Variants in OSBPL6 observed in about 807,000 individuals in gnomAD.
The protein encoded by OSBPL6 is oxysterol binding protein like 6.
In OSBPL6, 49 loss-of-function variants were observed where a neutral mutation model predicts 125.8. That is an observed-to-expected ratio of 0.39 (90% CI 0.31 to 0.49). OSBPL6 has a LOEUF of 0.49. OSBPL6 is among the 20% of genes least tolerant of loss of function. The probability of loss-of-function intolerance (pLI) is 0.88; values close to 1 mark genes in which losing one functional copy is unlikely to be tolerated. For synonymous variants in OSBPL6, 394 were observed against 391.8 expected, an observed-to-expected ratio of 1.01 and a Z score of -0.07; for missense variants, 986 against 1,135.4, an observed-to-expected ratio of 0.87 and a Z score of 1.89.
At chr2:178,390,994 A>C in intron 21 of OSBPL6, 79 bp from the exon 22 acceptor site, 1 of 1,570,294 alleles carries the variant, frequency 6.4e-7, no homozygotes, top group Non-Finnish European at 8.6e-7. Flanking sequence ...CAAGGCTAAG[A>C]AATTTTTCTA....
chr2:178,225,051 A>G (rs1340892277), intron 1 of OSBPL6, among the ~76,000 whole-genome samples: 1 of 151,646 alleles, frequency 6.6e-6, no homozygotes, highest in Admixed American at 6.6e-5. Flanking sequence ...GTGTTTAACA[A>G]AACACATCTA....
chr2:178,210,026 A>T (rs980953007), intron 1 of OSBPL6, among the ~76,000 whole-genome samples: 1 of 151,146 alleles, frequency 6.6e-6, no homozygotes, highest in Admixed American at 6.6e-5. Context: ...CTATTTATTT[A>T]TTTATTTATT....
At chr2:178,293,683 A>G (rs1197803500) in intron 2 of OSBPL6, among the ~76,000 whole-genome samples, 1 of 152,036 alleles carries the variant, frequency 6.6e-6, no homozygotes, top group Non-Finnish European at 1.5e-5. Context: ...CAATTAAATT[A>G]TATTGTCTAT....
intron 1 of OSBPL6, among the ~76,000 whole-genome samples, chr2:178,221,994 C>T (rs1219579882): frequency 6.6e-6 from 1 of 152,178 alleles, no homozygotes; most frequent in African/African-American, 2.4e-5. Context: ...ACACTACCAA[C>T]TTTTCTCTCT....
At chr2:178,329,486 C>G (rs1688998546) in intron 5 of OSBPL6, among the ~76,000 whole-genome samples, 1 of 151,614 alleles carries the variant, frequency 6.6e-6, no homozygotes, top group South Asian at 2.1e-4. Context: ...ACAATCACGG[C>G]TCATTGCAAC....
chr2:178,214,674 G>T (rs577454681), intron 1 of OSBPL6, among the ~76,000 whole-genome samples: 1 of 152,254 alleles, frequency 6.6e-6, no homozygotes, highest in Non-Finnish European at 1.5e-5. Flanking sequence ...AACCAGGCAC[G>T]GTGGCTCATG....
At chr2:178,253,157 G>T (rs1288149572) in intron 1 of OSBPL6, among the ~76,000 whole-genome samples, 1 of 151,996 alleles carries the variant, frequency 6.6e-6, no homozygotes. Flanking sequence ...GAGTAGCTGG[G>T]ATTACAGGCG....
At chr2:178,390,556 C>A (rs977593298) in intron 21 of OSBPL6, among the ~76,000 whole-genome samples, 1 of 152,166 alleles carries the variant, frequency 6.6e-6, no homozygotes, top group Non-Finnish European at 1.5e-5. Flanking sequence ...ATTCTAGGGT[C>A]CTGTATACTT....
At chr2:178,259,677 G>C (rs1361847997) in intron 1 of OSBPL6, among the ~76,000 whole-genome samples, 1 of 152,178 alleles carries the variant, frequency 6.6e-6, no homozygotes, top group Non-Finnish European at 1.5e-5. Context: ...ACATATGTAA[G>C]AGTTTATATA....
intron 1 of OSBPL6, among the ~76,000 whole-genome samples, chr2:178,268,492 G>C (rs2092301437): frequency 6.6e-6 from 1 of 152,108 alleles, no homozygotes; most frequent in Admixed American, 6.5e-5. Context: ...TCCAGATGAA[G>C]ATATAGAGCA....
At chr2:178,377,332 G>A (rs1250756968) in intron 15 of OSBPL6, among the ~76,000 whole-genome samples, 1 of 152,196 alleles carries the variant, frequency 6.6e-6, no homozygotes, top group Non-Finnish European at 1.5e-5. Flanking sequence ...GATCACGCAA[G>A]AACTCACTCA....
intron 1 of OSBPL6, among the ~76,000 whole-genome samples, chr2:178,279,688 C>A (rs1157245352): frequency 6.6e-6 from 1 of 152,144 alleles, no homozygotes; most frequent in African/African-American, 2.4e-5. Flanking sequence ...GCATGCACGC[C>A]AATTTTGGTT....
At chr2:178,198,870 T>C (rs571125204) in intron 1 of OSBPL6, among the ~76,000 whole-genome samples, 13 of 152,196 alleles carry the variant, frequency 8.5e-5, no homozygotes, top group Non-Finnish European at 1.8e-4. Flanking sequence ...CCCCCAAAGG[T>C]ACAATAGCTA....
At chr2:178,241,922 T>C (rs2091309719) in intron 1 of OSBPL6, among the ~76,000 whole-genome samples, 1 of 152,220 alleles carries the variant, frequency 6.6e-6, no homozygotes, top group East Asian at 1.9e-4. Context: ...TACCATGAGT[T>C]ACACTTGCCT....
intron 1 of OSBPL6, among the ~76,000 whole-genome samples, chr2:178,232,082 T>C (rs906544922): frequency 6.6e-6 from 1 of 152,174 alleles, no homozygotes; most frequent in South Asian, 2.1e-4. Context: ...AACAATAATA[T>C]CTTTTCTCAC....
At chr2:178,381,071 A>G (rs1575025523) in intron 15 of OSBPL6, among the ~76,000 whole-genome samples, 2 of 152,236 alleles carry the variant, frequency 1.3e-5, no homozygotes, top group Non-Finnish European at 2.9e-5. Flanking sequence ...AGAATGTTTT[A>G]TATTCAGAAA....
rs751182627 is a variant in OSBPL6 at position 178,328,398 on chromosome 2, C to G, written c.318+20C>G. On this transcript the variant is annotated intron_variant, in intron 5 of 24. Coordinates refer to ENST00000190611, the MANE Select transcript of OSBPL6 (RefSeq NM_032523.4). ...CACAAGGTAACATTTTTATCATATT[C>G]AGGTTCAGACCATCTTCATAAATAA... 1.2e-6 allele frequency: 2 copies of G among 1,605,746 alleles called. No individual in the cohort carries two copies. The highest frequency in any genetic ancestry group is 2.2e-5 in the South Asian group (2 of 88,980).
At chr2:178,274,351 G>A (rs182620486) in intron 1 of OSBPL6, among the ~76,000 whole-genome samples, 5 of 151,174 alleles carry the variant, frequency 3.3e-5, no homozygotes, top group Admixed American at 3.3e-4. Context: ...GCAAACTTGA[G>A]TCTTGGCTTT....
chr2:178,316,013 C>G (rs1687707096), intron 3 of OSBPL6, among the ~76,000 whole-genome samples: 1 of 152,182 alleles, frequency 6.6e-6, no homozygotes, highest in Non-Finnish European at 1.5e-5. Context: ...CCAGTATCCA[C>G]TGTAACTCTC....
Sources: allele counts gnomAD v4.1 joint callset (sites outside exome capture counted in the v4.1 genomes callset), GRCh38; gene constraint gnomAD v4.1.1; transcripts MANE v1.5; gene names NCBI Gene and HGNC (gene_info 2026-07-23, HGNC 2026-07-21).